Variants in IQSEC2 observed in about 807,000 individuals in gnomAD.
IQSEC2 encodes the protein IQ motif and SEC7 domain-containing protein 2.
Under a neutral mutation model 74.6 loss-of-function variants are expected in IQSEC2, and 6 were observed. The ratio of observed to expected loss-of-function variants is 0.08; its 90% confidence interval spans 0.04 to 0.16. The LOEUF is 0.16. Among genes scored for constraint, IQSEC2 ranks in the 10% least tolerant of loss-of-function variants. IQSEC2 has a pLI of 1.00. For missense variants in IQSEC2, 734 were observed against 1,306.2 expected (o/e 0.56, Z 6.75); for synonymous variants, 494 against 544.5 (o/e 0.91, Z 1.29).
chrX:53,312,326 T>C (rs1556878202), intron 1 of IQSEC2, among the ~76,000 whole-genome samples: 1 of 111,812 alleles, frequency 8.9e-6, no homozygotes, highest in Non-Finnish European at 1.9e-5. Context: ...TGGCCCCCTG[T>C]GCTCCCCTCT....
rs371815225 is a variant in IQSEC2, at chrX:53,250,344, C to T, written c.2232G>A (p.Ser744=). 1.2e-5 allele frequency: 15 copies of T among 1,209,634 alleles called. No homozygotes were observed. Among genetic ancestry groups the T allele is most frequent in the African/African-American group, 1.0e-4 (6 of 57,195 alleles). ...YQRETRHSWD[S]PAFNNDVVQR... is the part of the protein sequence containing the mutation. ...GGACCACATCATTGTTGAAAGCTGG[C>T]GAGTCCCAGCTATGCCTTGTCTCCC... Residue 744 remains serine (S), a synonymous_variant, in exon 5 of 15, where the codon TCG becomes TCA. Transcript: ENST00000642864.
chrX:53,281,540 A>G (rs1312563167), intron 2 of IQSEC2: 1 of 1,151,800 alleles, frequency 8.7e-7, no homozygotes, highest in East Asian at 3.4e-5. Flanking sequence ...ACCTGTCCCA[A>G]GGGCAGGCCC....
intron 1 of IQSEC2, among the ~76,000 whole-genome samples, chrX:53,310,719 G>A (rs977108148): frequency 9.0e-6 from 1 of 111,474 alleles, no homozygotes; most frequent in Non-Finnish European, 1.9e-5. Flanking sequence ...TGTCAGGCCA[G>A]AAACTGCCTC....
In IQSEC2 at chrX:53,238,325, C is replaced by T. The variant is rs782264682; in HGVS notation, c.3116-19G>A. On this transcript the variant is annotated intron_variant, in intron 11 of 14. Coordinates refer to ENST00000642864, the MANE Select transcript of IQSEC2 (RefSeq NM_001111125.3). The stretch of plus-strand genomic sequence containing the variant: ...TGGTAATCTGTGGAGAAAGGGGAGA[C>T]TGGGCACCTCTGTTGGGACTGGTGC... 225 of 1,202,922 alleles carry T rather than the reference C, an allele frequency of 1.9e-4. No individual in the cohort carries two copies. The highest frequency in any genetic ancestry group is 2.4e-4 in the Non-Finnish European group (217 of 889,019).
intron 2 of IQSEC2, among the ~76,000 whole-genome samples, chrX:53,287,216 G>A (rs1433366316): frequency 1.8e-5 from 2 of 111,953 alleles, no homozygotes; most frequent in South Asian, 3.7e-4. Context: ...GTGGGCTTCC[G>A]TTCCTCACAA....
At chrX:53,306,333 G>A (rs1372811291) in intron 1 of IQSEC2, among the ~76,000 whole-genome samples, 2 of 111,960 alleles carry the variant, frequency 1.8e-5, no homozygotes, top group Admixed American at 1.9e-4. Flanking sequence ...GGAGGGGCTG[G>A]CCCAGGGGTC....
intron 14 of IQSEC2, 135 bp from the exon 15 acceptor site, chrX:53,235,319 C>T (rs1014291094): frequency 3.3e-5 from 26 of 797,632 alleles, no homozygotes; most frequent in Non-Finnish European, 4.3e-5. Flanking sequence ...AAATCACAGT[C>T]CGGTACGCGT....
At chrX:53,315,212 G>A (rs1366436116) in intron 1 of IQSEC2, among the ~76,000 whole-genome samples, 1 of 111,814 alleles carries the variant, frequency 8.9e-6, no homozygotes. Context: ...CCAACATGGT[G>A]AAACCCCGTC....
Position 53,250,320 on chromosome X carries a change from G to T in IQSEC2, c.2256C>A (p.Val752=). 1 of 1,211,598 alleles carries T rather than the reference G, an allele frequency of 8.3e-7. No homozygotes were observed. Among genetic ancestry groups the T allele is most frequent in the Non-Finnish European group, 1.1e-6 (1 of 895,498 alleles). The part of the protein sequence containing the change: ...WDSPAFNNDV[V]QRRHYRIGLN... ...GGCCGATTCGGTAGTGCCGCCTCTG[G>T]ACCACATCATTGTTGAAAGCTGGCG... The change falls in exon 5 of 15, where the codon GTC becomes GTA. Residue 752 remains valine (V), a synonymous_variant. Transcript: ENST00000642864.
intron 1 of IQSEC2, among the ~76,000 whole-genome samples, chrX:53,302,830 G>A (rs1279552882): frequency 9.0e-6 from 1 of 110,835 alleles, no homozygotes; most frequent in South Asian, 3.8e-4. Context: ...CCAGCTACTC[G>A]GGAGGTTAAA....
intron 1 of IQSEC2, among the ~76,000 whole-genome samples, chrX:53,310,991 A>G (rs2075315203): frequency 9.5e-6 from 1 of 105,734 alleles, no homozygotes; most frequent in African/African-American, 3.4e-5. Context: ...GTGGTGGTGC[A>G]TGCCTGTAAT....
downstream of IQSEC2, chrX:53,232,770 G>A (rs1404822900): frequency 8.9e-6 from 1 of 112,270 alleles, no homozygotes; most frequent in Non-Finnish European, 1.9e-5. Flanking sequence ...GTCCACCCAG[G>A]TGCCTGAATT....
intron 1 of IQSEC2, among the ~76,000 whole-genome samples, chrX:53,296,701 C>T: frequency 9.0e-6 from 1 of 110,762 alleles, no homozygotes; most frequent in Non-Finnish European, 1.9e-5. Context: ...GTTGGGATTA[C>T]AGGCATGTGC....
intron 2 of IQSEC2, among the ~76,000 whole-genome samples, chrX:53,286,760 T>C (rs1372471451): frequency 9.2e-6 from 1 of 108,430 alleles, no homozygotes; most frequent in Admixed American, 9.9e-5. Context: ...GCCAAAATGG[T>C]GAAACCCCAT....
intron 1 of IQSEC2, among the ~76,000 whole-genome samples, chrX:53,297,247 CTAA>C (rs2075162459): frequency 9.0e-6 from 1 of 111,415 alleles, no homozygotes; most frequent in African/African-American, 3.3e-5. Flanking sequence ...TGCATGGATA[CTAA>C]TAATGGATAA....
At chrX:53,275,842 C>T (rs368958367) in intron 2 of IQSEC2, among the ~76,000 whole-genome samples, 21 of 86,176 alleles carry the variant, frequency 2.4e-4, no homozygotes, top group African/African-American at 7.8e-4. Context: ...TACAGGCACC[C>T]GCCACCACGC....
rs782601199 is a variant in IQSEC2 at position 53,303,974 on chromosome X, C to CA, written c.708-12051dup. ...TGAAACCCCGTCTCTACTAAAAATACAAAAAAATTAGCTGGGCGTGGTGGT... is the reference window on the plus strand; with the variant it reads ...TGAAACCCCGTCTCTACTAAAAATACAAAAAAAATTAGCTGGGCGTGGTGGT... On this transcript the variant is annotated intron_variant, in intron 1 of 14. Coordinates refer to ENST00000642864, the MANE Select transcript of IQSEC2 (RefSeq NM_001111125.3). 1.1e-3 allele frequency among the ~76,000 whole-genome samples: 124 copies of CA among 109,198 alleles called. 1 individual carries two copies. The highest frequency in any genetic ancestry group is 4.0e-3 in the African/African-American group (120 of 29,950). The allele number at this position is 109,198 out of a possible 115,157, so 94.8% of individuals were successfully genotyped here.
In IQSEC2 at chrX:53,301,579, G is replaced by C. The variant is rs186713419; in HGVS notation, c.708-9655C>G. ...GGAATTGCATGGTCTTATTACCCAG[G>C]TCCATCTGTTAGGACCAAGGAGCGG... On this transcript the variant is annotated intron_variant, in intron 1 of 14. Coordinates refer to ENST00000642864, the MANE Select transcript of IQSEC2 (RefSeq NM_001111125.3). 3.7e-4 allele frequency among the ~76,000 whole-genome samples: 41 copies of C among 112,226 alleles called. No homozygotes were observed. In the South Asian group the frequency reaches 0.01, roughly 29 times the overall value.
chrX:53,281,314 C>A (rs948317335), intron 2 of IQSEC2, among the ~76,000 whole-genome samples: 6 of 112,414 alleles, frequency 5.3e-5, no homozygotes, highest in Non-Finnish European at 1.1e-4. Context: ...GAGCTGGGCA[C>A]CTGGATGCCC....
Sources: gnomAD v4.1 joint callset for allele counts (sites outside exome capture counted in the v4.1 genomes callset) on GRCh38, gnomAD v4.1.1 for gene constraint, MANE v1.5 for transcripts, NCBI Gene and HGNC (gene_info 2026-07-23, HGNC 2026-07-21) for gene names.